TMEM232: variants seen among roughly 807,000 people sequenced by gnomAD.
TMEM232 encodes transmembrane protein 232.
In TMEM232, 80 loss-of-function variants were observed where a neutral mutation model predicts 78.8. That is an observed-to-expected ratio of 1.01 (90% CI 0.85 to 1.22). TMEM232 has a LOEUF of 1.22. TMEM232 is among the 50% of genes most tolerant of loss of function. TMEM232 has a pLI of 0.00. For missense variants in TMEM232, 881 were observed against 742.2 expected (o/e 1.19, Z -2.17); for synonymous variants, 297 against 254.3 (o/e 1.17, Z -1.60).
intron 8 of TMEM232, among the ~76,000 whole-genome samples, chr5:110,616,594 A>G (rs1004952900): frequency 6.6e-6 from 1 of 152,060 alleles, no homozygotes; most frequent in African/African-American, 2.4e-5. Context: ...AGGAACTGAA[A>G]CAACTTAATA....
At chr5:110,700,816 A>G (rs1795355551) in intron 1 of TMEM232, among the ~76,000 whole-genome samples, 1 of 151,776 alleles carries the variant, frequency 6.6e-6, no homozygotes, top group Admixed American at 6.6e-5. Context: ...ATAGATAGAT[A>G]GATAGATAGA....
intron 11 of TMEM232, among the ~76,000 whole-genome samples, chr5:110,555,962 G>A (rs545784532): frequency 6.6e-6 from 1 of 152,172 alleles, no homozygotes; most frequent in East Asian, 1.9e-4. Context: ...CTTTTTAAGT[G>A]GGGTAGTTAG....
intron 1 of TMEM232, among the ~76,000 whole-genome samples, chr5:110,670,195 C>T (rs1412567244): frequency 6.6e-6 from 1 of 152,022 alleles, no homozygotes; most frequent in Non-Finnish European, 1.5e-5. Context: ...TCAAATTGTC[C>T]CTGTTTGCAG....
chr5:110,703,508 T>C (rs1181164125), intron 1 of TMEM232, among the ~76,000 whole-genome samples: 2 of 152,110 alleles, frequency 1.3e-5, no homozygotes, highest in Admixed American at 1.3e-4. Context: ...CTCAAGGTTG[T>C]TTCTCTTTGC....
At chr5:110,737,630 TTATC>T (rs1340390960) in intron 1 of TMEM232, among the ~76,000 whole-genome samples, 47 of 152,202 alleles carry the variant, frequency 3.1e-4, no homozygotes, top group Non-Finnish European at 5.9e-4. Flanking sequence ...TTATATGATA[TTATC>T]TATTTACACT....
intron 1 of TMEM232, among the ~76,000 whole-genome samples, chr5:110,672,696 T>C (rs559618981): frequency 8.5e-5 from 13 of 152,168 alleles, no homozygotes; most frequent in East Asian, 3.9e-4. Context: ...AAAATAAACA[T>C]AGAGAATCTG....
At chr5:110,431,172 G>A (rs1367753753) in intron 12 of TMEM232, among the ~76,000 whole-genome samples, 1 of 151,474 alleles carries the variant, frequency 6.6e-6, no homozygotes, top group African/African-American at 2.4e-5. Flanking sequence ...CCCCAAGAAT[G>A]TTCTAAAGTA....
chr5:110,528,605 A>C lies in TMEM232; in HGVS notation c.1686T>G (p.Val562=). 6.5e-7 allele frequency: 1 copy of C among 1,530,906 alleles called. No homozygotes were observed. The highest frequency in any genetic ancestry group is 8.7e-7 in the Non-Finnish European group (1 of 1,144,420). The allele number at this position is 1,530,906 out of a possible 1,614,324, so 94.8% of individuals were successfully genotyped here. A position where few individuals can be genotyped will look rare whatever the true frequency, so the allele number is the denominator to read the frequency against. Residue 562 remains valine, a synonymous_variant, in exon 12 of 14, where the codon GTT becomes GTG. Transcript: ENST00000455884. ...CTCTTTACCTTACAGTGAAATGTAG[A>C]ACTTGCTTTTTCACAGACTCCAGCT... The part of the protein sequence containing the change: ...NKKLESVKKQ[V]LHFTVREHPS...
At chr5:110,733,828 C>G (rs1254234653) in intron 2 of TMEM232, among the ~76,000 whole-genome samples, 2 of 152,248 alleles carry the variant, frequency 1.3e-5, no homozygotes, top group African/African-American at 2.4e-5. Context: ...TACCCTTGAA[C>G]CTAAAATAAA....
At chr5:110,470,733 G>GAAAGT (rs1279686651) in intron 12 of TMEM232, among the ~76,000 whole-genome samples, 9 of 152,212 alleles carry the variant, frequency 5.9e-5, no homozygotes, top group African/African-American at 2.2e-4. Flanking sequence ...ATTTTCAGGT[G>GAAAGT]AAAGTATTTC....
At chr5:110,587,591 G>T (rs1778968390) in intron 10 of TMEM232, among the ~76,000 whole-genome samples, 1 of 149,094 alleles carries the variant, frequency 6.7e-6, no homozygotes, top group Non-Finnish European at 1.5e-5. Context: ...AGCCACTTTT[G>T]TACCCAGATC....
rs1756530924 is a variant in TMEM232 at position 110,420,630 on chromosome 5, G to A, written c.1924C>T (p.His642Tyr). 1 of 1,518,962 alleles carries A rather than the reference G, an allele frequency of 6.6e-7. No homozygotes were observed. Among genetic ancestry groups the A allele is most frequent in the African/African-American group, 1.4e-5 (1 of 71,328 alleles). The allele number at this position is 1,518,962 out of a possible 1,614,324, so 94.1% of individuals were successfully genotyped here. ...EVMKKREEKL[H>Y]KQTKPYELPY... ...AGTTCATAGGGCTTGGTTTGCTTAT[G>A]TAGTTTCTCTTCTCTTTTCTTCATA... Residue 642 changes from histidine (H) to tyrosine (Y), a missense_variant, in exon 14 of 14, where the codon CAT becomes TAT. Physicochemically the swap from His to Tyr is moderately conservative, Grantham distance 83. Transcript: ENST00000455884.
upstream of TMEM232, chr5:110,726,784 A>T (rs936750716): frequency 6.6e-6 from 1 of 152,142 alleles, no homozygotes; most frequent in African/African-American, 2.4e-5. Context: ...TCTCCACCAC[A>T]TTTGTGTTCA....
At chr5:110,393,870 A>C (rs1168295624) in intron 3 of TMEM232, among the ~76,000 whole-genome samples, 1 of 151,216 alleles carries the variant, frequency 6.6e-6, no homozygotes, top group African/African-American at 2.4e-5. Context: ...AGGCAGAAGA[A>C]TCACTTGAAC....
At chr5:110,445,241 G>A (rs1298344866) in intron 12 of TMEM232, among the ~76,000 whole-genome samples, 3 of 151,654 alleles carry the variant, frequency 2.0e-5, no homozygotes, top group Non-Finnish European at 4.4e-5. Flanking sequence ...AATATTTGAT[G>A]AGTCTTATCT....
chr5:110,687,882 T>G (rs1793623640), intron 1 of TMEM232, among the ~76,000 whole-genome samples: 1 of 152,110 alleles, frequency 6.6e-6, no homozygotes, highest in Admixed American at 6.6e-5. Context: ...ATTTGGAAAT[T>G]TGCAGAGTAG....
intron 11 of TMEM232, among the ~76,000 whole-genome samples, chr5:110,554,345 A>G (rs1307596384): frequency 1.3e-5 from 2 of 152,104 alleles, no homozygotes; most frequent in African/African-American, 4.8e-5. Context: ...TGCTACTCCA[A>G]GTTCTTCAGT....
intron 1 of TMEM232, among the ~76,000 whole-genome samples, chr5:110,675,942 G>A (rs1371806167): frequency 6.6e-6 from 1 of 152,092 alleles, no homozygotes; most frequent in Admixed American, 6.6e-5. Context: ...ACTCCTAGCT[G>A]TTGGCAACCA....
At chr5:110,737,249 A>G (rs964402675) in intron 1 of TMEM232, among the ~76,000 whole-genome samples, 1 of 151,912 alleles carries the variant, frequency 6.6e-6, no homozygotes, top group African/African-American at 2.4e-5. Context: ...AAACAACTGT[A>G]TGGATATACA....
Sources: allele counts gnomAD v4.1 joint callset (sites outside exome capture counted in the v4.1 genomes callset), GRCh38; gene constraint gnomAD v4.1.1; transcripts MANE v1.5; gene names NCBI Gene and HGNC (gene_info 2026-07-23, HGNC 2026-07-21).